C2CD2: variants seen among roughly 807,000 people sequenced by gnomAD.
C2CD2 encodes C2 calcium dependent domain containing 2.
Under a neutral mutation model 74.3 loss-of-function variants are expected in C2CD2, and 43 were observed. The observed-to-expected ratio is 0.58, with a 90% CI of 0.45 to 0.75. The LOEUF (loss-of-function observed/expected upper bound fraction) is 0.75. C2CD2 is among the 30% of genes least tolerant of loss of function. The probability of loss-of-function intolerance (pLI) is 0.00; values close to 1 mark genes in which losing one functional copy is unlikely to be tolerated. For missense variants in C2CD2, 801 were observed against 916.3 expected (o/e 0.87, Z 1.63); for synonymous variants, 422 against 390.7 (o/e 1.08, Z -0.94).
chr21:41,928,346 C>T (rs1027473658), intron 2 of C2CD2, among the ~76,000 whole-genome samples: 1 of 152,162 alleles, frequency 6.6e-6, no homozygotes, highest in East Asian at 1.9e-4. Flanking sequence ...ATCATCCAGA[C>T]GAACAGGTGG....
At chr21:41,949,698 T>C (rs1183490993) in intron 1 of C2CD2, among the ~76,000 whole-genome samples, 2 of 152,244 alleles carry the variant, frequency 1.3e-5, no homozygotes, top group African/African-American at 4.8e-5. Context: ...CACATGTTTA[T>C]TGCAGCATTA....
At chr21:41,908,031 C>T (rs1221059851) in intron 8 of C2CD2, 5 of 497,952 alleles carry the variant, frequency 1.0e-5, no homozygotes, top group East Asian at 3.8e-5. Context: ...GGCCCTGTGC[C>T]GGAGTGGAAA....
chr21:41,951,525 T>C (rs1211999597), intron 1 of C2CD2, among the ~76,000 whole-genome samples: 1 of 152,174 alleles, frequency 6.6e-6, no homozygotes, highest in Non-Finnish European at 1.5e-5. Context: ...TGTCTGAGAC[T>C]GCAGTGTGTG....
chr21:41,947,722 C>T (rs2065413313), intron 1 of C2CD2, among the ~76,000 whole-genome samples: 1 of 152,218 alleles, frequency 6.6e-6, no homozygotes, highest in Non-Finnish European at 1.5e-5. Flanking sequence ...TCACACAGAT[C>T]TGATCTCACC....
chr21:41,904,226 C>T (rs1452021392), intron 11 of C2CD2, among the ~76,000 whole-genome samples: 1 of 152,180 alleles, frequency 6.6e-6, no homozygotes, highest in African/African-American at 2.4e-5. Flanking sequence ...AAAGACACTC[C>T]CACCAGCACC....
rs1569081228 is a variant in C2CD2 at position 41,939,929 on chromosome 21, C to G, written c.378+2218G>C. On this transcript the variant is annotated intron_variant, in intron 2 of 13. Transcript: ENST00000380486. This position sits in a 1 kb window ranked among gnomAD's most constrained non-coding sequence, Gnocchi z 5.5. ...GTCTGAGGAGTCGGGAGGCGGTGAA[C>G]AGACACAATCGCTGCAGCACTGTCT... 6.6e-6 allele frequency among the ~76,000 whole-genome samples: 1 copy of G among 152,210 alleles called. No individual in the cohort carries two copies. Among genetic ancestry groups the G allele is most frequent in the Non-Finnish European group, 1.5e-5 (1 of 68,034 alleles).
chr21:41,895,509 C>T lies in C2CD2; in HGVS notation c.1870+3544G>A, dbSNP rs1241915529. On this transcript the variant is annotated intron_variant, in intron 13 of 13. Transcript: ENST00000380486. This position sits in a 1 kb window ranked among gnomAD's most constrained non-coding sequence, Gnocchi z 5.0. ...ACAGCAAGAAGCGAGATTTAGACCT[C>T]ACCCACAACCTTCAAGATTCCTGAA... Among the ~76,000 whole-genome samples, 3 of 152,224 alleles carry T rather than the reference C, an allele frequency of 2.0e-5. No homozygotes were observed. The highest frequency in any genetic ancestry group is 7.2e-5 in the African/African-American group (3 of 41,454).
intron 2 of C2CD2, among the ~76,000 whole-genome samples, chr21:41,931,628 G>A (rs2065262224): frequency 6.7e-6 from 1 of 149,668 alleles, no homozygotes; most frequent in Non-Finnish European, 1.5e-5. Context: ...TCACCATGTT[G>A]GCCAGGATGG....
chr21:41,925,354 T>A (rs192281566), intron 2 of C2CD2, among the ~76,000 whole-genome samples: 1 of 151,268 alleles, frequency 6.6e-6, no homozygotes, highest in Admixed American at 6.6e-5. Flanking sequence ...CATGGTGGTG[T>A]GCACCTGTAG....
intron 7 of C2CD2, 146 bp from the exon 8 acceptor site, chr21:41,909,669 A>C: frequency 1.5e-6 from 1 of 672,768 alleles, no homozygotes; most frequent in Non-Finnish European, 2.7e-6. Context: ...AAAAAAGGGA[A>C]AGAGTTATCT....
At chr21:41,934,401 C>T (rs2065288829) in intron 2 of C2CD2, among the ~76,000 whole-genome samples, 1 of 152,158 alleles carries the variant, frequency 6.6e-6, no homozygotes, top group Non-Finnish European at 1.5e-5. Context: ...TACACTCCAG[C>T]CTAGGCGACA....
chr21:41,913,565 C>T (rs2065052932), intron 6 of C2CD2, among the ~76,000 whole-genome samples: 1 of 152,196 alleles, frequency 6.6e-6, no homozygotes, highest in South Asian at 2.1e-4. Context: ...CTAAGCAGTA[C>T]AGGCTGAAAG....
At chr21:41,918,758 A>G (rs557817180) in intron 4 of C2CD2, 98 bp downstream of exon 4, 2 of 918,332 alleles carry the variant, frequency 2.2e-6, no homozygotes, top group East Asian at 2.5e-5. Flanking sequence ...GAAGGAGGCC[A>G]GCAACACCAG....
intron 10 of C2CD2, 146 bp downstream of exon 10, chr21:41,906,846 G>A: frequency 1.7e-6 from 1 of 605,082 alleles, no homozygotes; most frequent in Non-Finnish European, 3.0e-6. Context: ...CTAAGCACAA[G>A]TGTGGCCAAT....
In C2CD2 at chr21:41,924,382, T is replaced by C. The variant is rs910445418; in HGVS notation, c.379-2297A>G. Among the ~76,000 whole-genome samples, 4 of 152,166 alleles carry C rather than the reference T, an allele frequency of 2.6e-5. No individual in the cohort carries two copies. Among genetic ancestry groups the C allele is most frequent in the Middle Eastern group, 6.8e-3 (2 of 294 alleles). ...ATGCCACAGAGCTAGAAAAAGAAAA[T>C]CCTGCCTTCTCTCAATATTGGCAGA... On this transcript the variant is annotated intron_variant, in intron 2 of 13. Transcript: ENST00000380486. The surrounding 1 kb of genome is among the most constrained non-coding windows in gnomAD (Gnocchi z 4.4).
At chr21:41,901,864 G>C in intron 11 of C2CD2, 115 bp from the exon 12 acceptor site, 1 of 877,958 alleles carries the variant, frequency 1.1e-6, no homozygotes, top group South Asian at 1.5e-5. Context: ...TTTTCTAAAA[G>C]GGGCCAAAGG....
chr21:41,953,411 C>A lies in C2CD2; in HGVS notation c.238G>T (p.Ala80Ser). ...TCCTCGTTCAGGGCGGTCACCCAGG[C>A]CGCCTGCCACTGGCTCCTCCAGCTG... Reference protein sequence around the residue: ...LGSWRSQWQAAWVTALNEEAE... With the variant: ...LGSWRSQWQASWVTALNEEAE... Residue 80 changes from alanine to serine, a missense_variant, in exon 1 of 14, where the codon GCC becomes TCC. Transcript: ENST00000380486. The A allele has an allele frequency of 7.0e-7, 1 of 1,426,322 alleles. No homozygotes were observed. Among genetic ancestry groups the A allele is most frequent in the Admixed American group, 2.8e-5 (1 of 36,362 alleles). 88.4% of individuals were successfully genotyped at this position (1,426,322 alleles called of 1,614,324 possible).
chr21:41,921,908 T>C (rs1047503141), intron 3 of C2CD2, 64 bp downstream of exon 3: 1 of 972,514 alleles, frequency 1.0e-6, no homozygotes, highest in Non-Finnish European at 1.7e-6. Context: ...CACACCATGC[T>C]CACTCTTCAC....
rs1230132884 is a variant in C2CD2, at chr21:41,914,808, G to T, written c.721-87C>A. 6 of 1,174,376 alleles carry T rather than the reference G, an allele frequency of 5.1e-6. No homozygotes were observed. In the East Asian group the frequency reaches 1.0e-4, roughly 20 times the overall value. The allele number at this position is 1,174,376 out of a possible 1,614,324, so 72.7% of individuals were successfully genotyped here. On this transcript the variant is annotated intron_variant, in intron 5 of 13. Transcript: ENST00000380486. ...AGCCACTGGACTCCTGTTATGGGGG[G>T]TGGTGGCAGTGGGGTGTCTACAGGA...
Sources: gnomAD v4.1 joint callset for allele counts (sites outside exome capture counted in the v4.1 genomes callset) on GRCh38, gnomAD v4.1.1 for gene constraint, Gnocchi (gnomAD v3.1) non-coding constraint, MANE v1.5 for transcripts, NCBI Gene and HGNC (gene_info 2026-07-23, HGNC 2026-07-21) for gene names.